The following CEP128 variants were observed in gnomAD, a reference collection of about 807,000 sequenced individuals.
The protein encoded by CEP128 is centrosomal protein 128.
A neutral mutation model predicts 156.7 loss-of-function variants in CEP128; 132 were observed. That is an observed-to-expected ratio of 0.84 (90% CI 0.73 to 0.97). The LOEUF (loss-of-function observed/expected upper bound fraction) is 0.97, where lower values mean the gene tolerates loss of function less well. Among genes scored for constraint, CEP128 ranks in the 50% least tolerant of loss-of-function variants. The pLI is 0.00. For synonymous variants in CEP128, 469 were observed against 448.9 expected (o/e 1.04, Z -0.57); for missense variants, 1,252 against 1,281.9 (o/e 0.98, Z 0.36).
intron 12 of CEP128, among the ~76,000 whole-genome samples, chr14:80,833,231 G>A (rs750546610): frequency 1.3e-4 from 20 of 151,168 alleles, no homozygotes; most frequent in East Asian, 3.9e-4. Context: ...ATATTGATAC[G>A]TTTCTTGATA....
chr14:80,658,444 G>A (rs969000747), intron 19 of CEP128, among the ~76,000 whole-genome samples: 2 of 152,104 alleles, frequency 1.3e-5, no homozygotes, highest in Non-Finnish European at 2.9e-5. Context: ...TTCTTGGCCT[G>A]GGGACATGAT....
chr14:80,535,881 G>A (rs1380917710), intron 21 of CEP128, among the ~76,000 whole-genome samples: 1 of 152,162 alleles, frequency 6.6e-6, no homozygotes. Flanking sequence ...GATGTTTTAT[G>A]TATTTCCTCT....
chr14:80,798,934 AACC>A (rs1378004103), intron 13 of CEP128, among the ~76,000 whole-genome samples: 1 of 152,202 alleles, frequency 6.6e-6, no homozygotes, highest in Non-Finnish European at 1.5e-5. Context: ...CCCCCAAATA[AACC>A]AGGATAAACA....
At chr14:80,895,046 AAC>A (rs1289948920) in intron 8 of CEP128, among the ~76,000 whole-genome samples, 1 of 152,078 alleles carries the variant, frequency 6.6e-6, no homozygotes, top group Non-Finnish European at 1.5e-5. Context: ...ACAAATTTGC[AAC>A]AGTTTAGTGA....
At position 80,504,958 on chromosome 14, in the gene CEP128, C is replaced by T. The variant is rs1264467930; in HGVS notation, c.3135G>A (p.Gln1045=). 1.2e-6 allele frequency: 2 copies of T among 1,606,350 alleles called. No individual in the cohort carries two copies. The highest frequency in any genetic ancestry group is 1.7e-6 in the Non-Finnish European group (2 of 1,175,786). The change falls in exon 24 of 25, where the codon CAG becomes CAA. Residue 1045 remains glutamine (Q), a synonymous_variant. Coordinates refer to ENST00000555265, the MANE Select transcript of CEP128 (RefSeq NM_152446.5). ...TRGLDHSSSW[Q]DHSRFLSSPR... ...GACTAGACAGGAAGCGACTGTGATC[C>T]TGCCAAGAGGATGAGTGATCTAACC...
chr14:80,697,294 G>C (rs935486954), intron 19 of CEP128, among the ~76,000 whole-genome samples: 1 of 152,004 alleles, frequency 6.6e-6, no homozygotes, highest in African/African-American at 2.4e-5. Flanking sequence ...AAACTATAAT[G>C]GTTGTTCTCC....
At chr14:80,866,074 GT>G (rs1263160594) in intron 8 of CEP128, among the ~76,000 whole-genome samples, 1 of 152,090 alleles carries the variant, frequency 6.6e-6, no homozygotes, top group Non-Finnish European at 1.5e-5. Flanking sequence ...TATGGACCCA[GT>G]ATACAGGTCA....
chr14:80,939,757 C>T (rs951563783), intron 1 of CEP128, among the ~76,000 whole-genome samples: 1 of 152,200 alleles, frequency 6.6e-6, no homozygotes, highest in East Asian at 1.9e-4. Context: ...TCCATCCATG[C>T]CTGGGCATCC....
At chr14:80,789,987 A>G (rs1478655606) in intron 14 of CEP128, among the ~76,000 whole-genome samples, 1 of 152,098 alleles carries the variant, frequency 6.6e-6, no homozygotes. Context: ...ATAGGACTCC[A>G]TATGCATTCA....
At chr14:80,725,340 GC>G (rs1897981724) in intron 19 of CEP128, among the ~76,000 whole-genome samples, 1 of 151,560 alleles carries the variant, frequency 6.6e-6, no homozygotes, top group South Asian at 2.1e-4. Flanking sequence ...CCACCATGAC[GC>G]CCGGCTAATT....
rs562941137 is a variant in CEP128, at chr14:80,905,770, A to T, written c.361+185T>A. 1.5e-4 allele frequency: 76 copies of T among 522,680 alleles called. 1 individual carries two copies. The South Asian group carries it at 1.9e-3, about 13-fold the overall frequency. The allele number at this position is 522,680 out of a possible 1,614,324, so 32.4% of individuals were successfully genotyped here. On this transcript the variant is annotated intron_variant, in intron 5 of 24. Transcript: ENST00000555265. The stretch of plus-strand genomic sequence containing the variant: ...CAGAGTTTGAGAAAAAAAAAAAAAC[A>T]ATATAACAACAAAGACCCTTCAATA...
chr14:80,553,233 G>A (rs1890286190), intron 21 of CEP128, among the ~76,000 whole-genome samples: 1 of 151,948 alleles, frequency 6.6e-6, no homozygotes. Context: ...TTGTCCTAAT[G>A]CTCTCCCTCC....
At chr14:80,535,696 C>T (rs912778593) in intron 21 of CEP128, among the ~76,000 whole-genome samples, 4 of 152,266 alleles carry the variant, frequency 2.6e-5, no homozygotes, top group Non-Finnish European at 5.9e-5. Flanking sequence ...TTTTATGATA[C>T]TAACACTGCC....
intron 12 of CEP128, among the ~76,000 whole-genome samples, chr14:80,832,975 CA>C (rs1353781536): frequency 6.6e-6 from 1 of 152,092 alleles, no homozygotes; most frequent in Non-Finnish European, 1.5e-5. Context: ...CACTGTATTG[CA>C]AAAGTAGCCT....
At chr14:80,882,281 C>T (rs1467190015) in intron 8 of CEP128, among the ~76,000 whole-genome samples, 1 of 151,974 alleles carries the variant, frequency 6.6e-6, no homozygotes, top group African/African-American at 2.4e-5. Context: ...ATAGACATTT[C>T]TCAAAAGAAG....
intron 19 of CEP128, among the ~76,000 whole-genome samples, chr14:80,637,095 AAAAAAAG>A (rs77110433): frequency 2.2e-5 from 3 of 135,108 alleles, no homozygotes; most frequent in African/African-American, 3.3e-5. Context: ...TTTAAAAAAA[AAAAAAAG>A]AAAAGAAAAT....
At position 80,500,238 on chromosome 14, in the gene CEP128, G is replaced by A. The variant is rs148855279; in HGVS notation, c.3182-2656C>T. Reference sequence around the variant, plus strand: ...CCACGGTCAATGATTCTATGCTTTAGTTTGGTCACAGTTTGACAGGGCATC... The same window carrying A: ...CCACGGTCAATGATTCTATGCTTTAATTTGGTCACAGTTTGACAGGGCATC... On this transcript the variant is annotated intron_variant, in intron 24 of 24. Transcript: ENST00000555265. 7.0e-3 allele frequency among the ~76,000 whole-genome samples: 1,065 copies of A among 152,220 alleles called. 17 individuals carry two copies. Among genetic ancestry groups the A allele is most frequent in the African/African-American group, 0.024 (1,015 of 41,520 alleles).
intron 19 of CEP128, among the ~76,000 whole-genome samples, chr14:80,637,562 A>G (rs2140767712): frequency 6.6e-6 from 1 of 152,338 alleles, no homozygotes; most frequent in Admixed American, 6.5e-5. Context: ...AAATGCATAA[A>G]GAAACTACTC....
intron 13 of CEP128, among the ~76,000 whole-genome samples, chr14:80,810,497 T>C (rs916352067): frequency 2.0e-5 from 3 of 152,118 alleles, no homozygotes; most frequent in African/African-American, 7.2e-5. Flanking sequence ...GACCTAACTA[T>C]ATGCTTCCTA....
Sources: gnomAD v4.1 joint callset for allele counts (sites outside exome capture counted in the v4.1 genomes callset) on GRCh38, gnomAD v4.1.1 for gene constraint, MANE v1.5 for transcripts, NCBI Gene and HGNC (gene_info 2026-07-23, HGNC 2026-07-21) for gene names.